Variants in DPY19L1 observed in about 807,000 individuals in gnomAD.
The protein encoded by DPY19L1 is dpy-19 like C-mannosyltransferase 1, also known as protein C-mannosyl-transferase DPY19L1.
DPY19L1 carries 35 observed loss-of-function variants against 96.9 expected under a neutral mutation model. That is an observed-to-expected ratio of 0.36 (90% confidence interval 0.28 to 0.48). DPY19L1 has a LOEUF of 0.48. DPY19L1 is among the 20% of genes least tolerant of loss of function. The pLI is 0.99. For missense variants in DPY19L1, 521 were observed against 777.9 expected, an observed-to-expected ratio of 0.67 and a Z score of 3.93; for synonymous variants, 205 against 252.6, an observed-to-expected ratio of 0.81 and a Z score of 1.79.
chr7:35,016,555 T>C (rs1785852697), intron 3 of DPY19L1, among the ~76,000 whole-genome samples: 1 of 152,198 alleles, frequency 6.6e-6, no homozygotes, highest in Admixed American at 6.5e-5. Context: ...AATGATAGAT[T>C]AGGTACCACA....
chr7:34,958,589 G>A (rs568875800), intron 10 of DPY19L1, among the ~76,000 whole-genome samples: 1 of 152,172 alleles, frequency 6.6e-6, no homozygotes, highest in Non-Finnish European at 1.5e-5. Flanking sequence ...GTGCATGTCA[G>A]TACATTTATG....
intron 6 of DPY19L1, among the ~76,000 whole-genome samples, chr7:35,002,162 A>C (rs1402057378): frequency 6.0e-5 from 9 of 151,032 alleles, no homozygotes; most frequent in South Asian, 4.2e-4. Context: ...AAACAACAAC[A>C]AAAAAAACCC....
At chr7:35,013,861 T>C (rs1785774548) in intron 3 of DPY19L1, among the ~76,000 whole-genome samples, 156 bp from the exon 4 acceptor site, 1 of 141,252 alleles carries the variant, frequency 7.1e-6, no homozygotes, top group African/African-American at 2.5e-5. Flanking sequence ...AATCCTAAAG[T>C]TGTGAAAAAA....
chr7:34,985,124 C>T (rs919893507), intron 7 of DPY19L1, among the ~76,000 whole-genome samples: 15 of 152,102 alleles, frequency 9.9e-5, no homozygotes, highest in African/African-American at 3.4e-4. Flanking sequence ...GGTCTCTGCA[C>T]CTTTCATTTG....
At chr7:35,012,105 G>A (rs1584254897) in intron 4 of DPY19L1, among the ~76,000 whole-genome samples, 6 of 152,284 alleles carry the variant, frequency 3.9e-5, no homozygotes, top group African/African-American at 1.4e-4. Context: ...ACTGCCCATG[G>A]CTGAAGAAAG....
At chr7:35,014,004 T>A (rs1192065611) in intron 3 of DPY19L1, among the ~76,000 whole-genome samples, 2 of 152,202 alleles carry the variant, frequency 1.3e-5, no homozygotes, top group Non-Finnish European at 2.9e-5. Context: ...TATACTAATA[T>A]CACTCTTAGA....
At position 34,966,990 on chromosome 7, in the gene DPY19L1, T is replaced by A. The variant is rs1036140070; in HGVS notation, c.1015-19A>T. ...ATGCAATCTGAAATTTAAAAAGAAA[T>A]TAGAAGTAAAAAAGATAAAATGAAT... On this transcript the variant is annotated intron_variant, in intron 9 of 21. Transcript: ENST00000638088. 2 of 1,499,430 alleles carry A rather than the reference T, an allele frequency of 1.3e-6. No individual in the cohort carries two copies. Among genetic ancestry groups the A allele is most frequent in the Admixed American group, 4.9e-5 (2 of 40,736 alleles). The allele number at this position is 1,499,430 out of a possible 1,614,324, so 92.9% of individuals were successfully genotyped here.
intron 1 of DPY19L1, among the ~76,000 whole-genome samples, chr7:35,023,539 A>G (rs1243221679): frequency 6.6e-6 from 1 of 152,246 alleles, no homozygotes; most frequent in Non-Finnish European, 1.5e-5. Flanking sequence ...CATGCACTTC[A>G]TAAATAGTAT....
intron 7 of DPY19L1, among the ~76,000 whole-genome samples, chr7:34,986,007 C>G (rs1249767294): frequency 6.6e-6 from 1 of 151,924 alleles, no homozygotes; most frequent in Non-Finnish European, 1.5e-5. Flanking sequence ...ATTTGAGACA[C>G]TATGAATGGA....
At chr7:34,978,289 T>C (rs1784870160) in intron 7 of DPY19L1, among the ~76,000 whole-genome samples, 1 of 152,178 alleles carries the variant, frequency 6.6e-6, no homozygotes, top group Non-Finnish European at 1.5e-5. Flanking sequence ...GTTACTATAA[T>C]GTTTAGGTTT....
chr7:34,986,250 C>T (rs1446055833), intron 7 of DPY19L1, among the ~76,000 whole-genome samples: 2 of 151,968 alleles, frequency 1.3e-5, no homozygotes, highest in Admixed American at 1.3e-4. Flanking sequence ...CACTTGGTGA[C>T]TACAGTTAAT....
At chr7:35,012,539 A>C (rs1785737649) in intron 4 of DPY19L1, among the ~76,000 whole-genome samples, 1 of 152,246 alleles carries the variant, frequency 6.6e-6, no homozygotes, top group Admixed American at 6.5e-5. Context: ...TGGACACCTC[A>C]TCAGTGTTAG....
chr7:34,959,588 A>G (rs1210736063), intron 10 of DPY19L1, among the ~76,000 whole-genome samples: 6 of 152,086 alleles, frequency 3.9e-5, no homozygotes, highest in African/African-American at 7.2e-5. Context: ...GCTGGAAGCC[A>G]TAACTGTCAG....
In DPY19L1 at chr7:34,946,955, C is replaced by T. The variant is rs569677861; in HGVS notation, c.1494+675G>A. Among the ~76,000 whole-genome samples, 3 of 152,308 alleles carry T rather than the reference C, an allele frequency of 2.0e-5. No individual in the cohort carries two copies. In the South Asian group the frequency reaches 6.2e-4, roughly 32 times the overall value. Reference sequence around the variant, plus strand: ...TACAGAATATTCTACAAATAAATGACATTGTGTTAACACAGAAATCACTGG... The same window carrying T: ...TACAGAATATTCTACAAATAAATGATATTGTGTTAACACAGAAATCACTGG... On this transcript the variant is annotated intron_variant, in intron 15 of 21. Coordinates refer to ENST00000638088, the MANE Select transcript of DPY19L1 (RefSeq NM_001366673.1).
chr7:34,952,904 G>C (rs1318110687), intron 13 of DPY19L1, among the ~76,000 whole-genome samples: 2 of 152,168 alleles, frequency 1.3e-5, no homozygotes, highest in Non-Finnish European at 2.9e-5. Context: ...AAAAAACTGA[G>C]AAACTGTGGG....
At chr7:34,999,313 C>G (rs539341666) in intron 6 of DPY19L1, among the ~76,000 whole-genome samples, 1 of 152,072 alleles carries the variant, frequency 6.6e-6, no homozygotes, top group African/African-American at 2.4e-5. Flanking sequence ...TCGAACAAAG[C>G]CTTTAAAAGT....
chr7:34,955,882 A>C (rs1784367859), intron 11 of DPY19L1, among the ~76,000 whole-genome samples: 1 of 152,200 alleles, frequency 6.6e-6, no homozygotes, highest in South Asian at 2.1e-4. Flanking sequence ...ATCAAAACAT[A>C]AATACTTCAA....
intron 1 of DPY19L1, among the ~76,000 whole-genome samples, chr7:35,023,484 C>T (rs992395434): frequency 6.6e-6 from 1 of 152,214 alleles, no homozygotes; most frequent in Non-Finnish European, 1.5e-5. Flanking sequence ...CACAAATCAA[C>T]GTTCCCATCC....
intron 6 of DPY19L1, among the ~76,000 whole-genome samples, chr7:35,002,125 C>CAAAAAAAAAAAAA (rs548044939): frequency 6.4e-5 from 3 of 47,088 alleles, no homozygotes; most frequent in African/African-American, 1.6e-4. Context: ...GACTCCAGCT[C>CAAAAAAAAAAAAA]AAAAAAAAAA....
Sources: allele counts gnomAD v4.1 joint callset (sites outside exome capture counted in the v4.1 genomes callset), GRCh38; gene constraint gnomAD v4.1.1; transcripts MANE v1.5; gene names NCBI Gene and HGNC (gene_info 2026-07-23, HGNC 2026-07-21).